PRH1: variants seen among roughly 807,000 people sequenced by gnomAD.
PRH1 encodes the protein proline rich protein HaeIII subfamily 1.
A neutral mutation model predicts 7.9 loss-of-function variants in PRH1; 7 were observed. The ratio of observed to expected loss-of-function variants is 0.89; its 90% confidence interval spans 0.50 to 1.67. PRH1 has a LOEUF of 1.67. Among genes scored for constraint, PRH1 ranks in the 40% most tolerant of loss-of-function variants. The probability of loss-of-function intolerance (pLI) is 0.00; values close to 1 mark genes in which losing one functional copy is unlikely to be tolerated. For synonymous variants in PRH1, 45 were observed against 80.8 expected, an observed-to-expected ratio of 0.56 and a Z score of 2.38; for missense variants, 109 against 223.6, an observed-to-expected ratio of 0.49 and a Z score of 3.27.
chr12:11,116,192 T>G (rs1247775627), downstream of PRH1, among the ~76,000 whole-genome samples: 2 of 151,840 alleles, frequency 1.3e-5, no homozygotes, highest in Admixed American at 1.3e-4. Context: ...AAATCAGACA[T>G]GAAAGCAGAG....
At chr12:10,941,786 T>A (rs1477276228) in intron 2 of PRH1, among the ~76,000 whole-genome samples, 1 of 152,116 alleles carries the variant, frequency 6.6e-6, no homozygotes, top group Non-Finnish European at 1.5e-5. Context: ...TTGGGGAGTG[T>A]TAAAGAGCCT....
chr12:11,073,324 T>G (rs77480002), intron 1 of PRH1, among the ~76,000 whole-genome samples: 3,550 of 62,852 alleles, frequency 0.056, 21 homozygotes, highest in Non-Finnish European at 0.083. Flanking sequence ...AGTAGAGACC[T>G]GGTTTCACCA....
intron 2 of PRH1, among the ~76,000 whole-genome samples, chr12:10,915,873 A>G (rs1277814595): frequency 6.6e-6 from 1 of 152,182 alleles, no homozygotes; most frequent in Non-Finnish European, 1.5e-5. Context: ...CTCAGTTTGG[A>G]GCTTTCCAAT....
chr12:11,040,671 G>A (rs1179597670), intron 1 of PRH1, among the ~76,000 whole-genome samples: 1 of 152,148 alleles, frequency 6.6e-6, no homozygotes, highest in Non-Finnish European at 1.5e-5. Context: ...TAACAACCCT[G>A]CGTGTTCTGC....
chr12:10,985,254 T>A (rs1298581874), intron 1 of PRH1, among the ~76,000 whole-genome samples: 2 of 152,152 alleles, frequency 1.3e-5, no homozygotes, highest in African/African-American at 4.8e-5. Flanking sequence ...AATGTTCACA[T>A]ATTTGTATTA....
At chr12:10,954,618 C>A (rs1183913389) in intron 2 of PRH1, among the ~76,000 whole-genome samples, 1 of 152,128 alleles carries the variant, frequency 6.6e-6, no homozygotes, top group Non-Finnish European at 1.5e-5. Context: ...CATGTGTGCA[C>A]CACCATGACT....
At chr12:10,996,188 G>A (rs377058628) in intron 1 of PRH1, among the ~76,000 whole-genome samples, 22 of 151,704 alleles carry the variant, frequency 1.5e-4, no homozygotes, top group Middle Eastern at 6.8e-3. Context: ...AATTAGCCAC[G>A]TGTGGTAGCG....
chr12:11,141,794 G>C (rs557909011), intron 1 of PRH1, among the ~76,000 whole-genome samples: 1 of 152,014 alleles, frequency 6.6e-6, no homozygotes, highest in South Asian at 2.1e-4. Context: ...CCTTGTTTTG[G>C]GTGGAGGGAG....
At chr12:11,138,007 T>C (rs1946603942) in intron 1 of PRH1, among the ~76,000 whole-genome samples, 1 of 152,078 alleles carries the variant, frequency 6.6e-6, no homozygotes, top group African/African-American at 2.4e-5. Flanking sequence ...CCTAGGCAAA[T>C]ACCCTCACGT....
intron 1 of PRH1, among the ~76,000 whole-genome samples, chr12:11,144,669 G>C (rs918712019): frequency 1.3e-5 from 2 of 152,174 alleles, no homozygotes; most frequent in Non-Finnish European, 2.9e-5. Flanking sequence ...TCTGCCTGGG[G>C]GGTTTTACCC....
chr12:10,956,317 A>G (rs747194611), intron 2 of PRH1, among the ~76,000 whole-genome samples: 3 of 152,196 alleles, frequency 2.0e-5, no homozygotes, highest in Non-Finnish European at 4.4e-5. Flanking sequence ...AAACTAACAA[A>G]AACCACATTA....
chr12:10,906,320 CA>C (rs1363864543), intron 2 of PRH1, among the ~76,000 whole-genome samples: 1 of 151,756 alleles, frequency 6.6e-6, no homozygotes, highest in Non-Finnish European at 1.5e-5. Flanking sequence ...GTTTTGAAAG[CA>C]AAAAAAGTTA....
chr12:11,039,583 A>T (rs1323945910), intron 1 of PRH1, among the ~76,000 whole-genome samples: 2 of 152,272 alleles, frequency 1.3e-5, no homozygotes, highest in Admixed American at 1.3e-4. Flanking sequence ...CCCAATACAC[A>T]GATGACACAT....
chr12:11,134,655 T>C (rs1486101432), intron 1 of PRH1: 6 of 184,848 alleles, frequency 3.2e-5, no homozygotes, highest in African/African-American at 1.4e-4. Context: ...TTCAGTTGCT[T>C]GGGAAGTTTT....
At chr12:11,169,491 C>T (rs2136482332) in intron 1 of PRH1, among the ~76,000 whole-genome samples, 1 of 152,268 alleles carries the variant, frequency 6.6e-6, no homozygotes, top group South Asian at 2.1e-4. Context: ...CTATTTTCCC[C>T]ACGGTCTCAG....
upstream of PRH1, chr12:11,171,568 A>C (rs574629329): frequency 4.6e-5 from 57 of 1,231,938 alleles, no homozygotes; most frequent in Middle Eastern, 1.9e-3. Context: ...ATTTAGAGCC[A>C]TGACTAAGCT....
In PRH1 at chr12:11,091,115, C is replaced by CACACATATATATACATATATAT. The variant is rs751016037; in HGVS notation, n.124-43928_124-43927insATATATATGTATATATATGTGT. Among the ~76,000 whole-genome samples the CACACATATATATACATATATAT allele has an allele frequency of 4.0e-4, 10 of 25,126 alleles. 5 individuals are homozygous for CACACATATATATACATATATAT. The highest frequency in any genetic ancestry group is 2.7e-3 in the Admixed American group (4 of 1,468). 16.5% of individuals were successfully genotyped at this position (25,126 alleles called of 152,430 possible). A position where few individuals can be genotyped will look rare whatever the true frequency, so the allele number is the denominator to read the frequency against. On this transcript the variant is annotated intron_variant and non_coding_transcript_variant, in intron 1 of 4. Coordinates refer to the PRH1 transcript ENST00000541977. ...ACACAAATACACACACACACACACA[C>CACACATATATATACATATATAT]ATATATATATATATATATATATATA...
chr12:11,023,404 G>C (rs910616178), intron 1 of PRH1, among the ~76,000 whole-genome samples: 1 of 152,004 alleles, frequency 6.6e-6, no homozygotes, highest in Non-Finnish European at 1.5e-5. Flanking sequence ...TCAAGCTTAG[G>C]CCTTTGGTAT....
intron 2 of PRH1, among the ~76,000 whole-genome samples, chr12:10,929,863 C>T (rs752978991): frequency 1.7e-4 from 26 of 152,160 alleles, no homozygotes; most frequent in African/African-American, 3.4e-4. Flanking sequence ...TGTGCTGGGA[C>T]GGGCATTTGT....
Sources: gnomAD v4.1 joint callset for allele counts (sites outside exome capture counted in the v4.1 genomes callset) on GRCh38, gnomAD v4.1.1 for gene constraint, MANE v1.5 for transcripts, NCBI Gene and HGNC (gene_info 2026-07-23, HGNC 2026-07-21) for gene names.